The following CNTN4 variants were observed in gnomAD, a reference collection of about 807,000 sequenced individuals.
CNTN4 encodes the protein contactin-4.
In CNTN4, 77 loss-of-function variants were observed where a neutral mutation model predicts 122.5. That is an observed-to-expected ratio of 0.63 (90% confidence interval 0.52 to 0.76). CNTN4 has a LOEUF of 0.76. Ranked by LOEUF, CNTN4 falls within the 30% of genes least tolerant of loss-of-function variation. The probability of loss-of-function intolerance (pLI) is 0.00; values close to 1 mark genes in which losing one functional copy is unlikely to be tolerated. For missense variants in CNTN4, 1,256 were observed against 1,259.1 expected, an observed-to-expected ratio of 1.00 and a Z score of 0.04; for synonymous variants, 512 against 447.0, an observed-to-expected ratio of 1.15 and a Z score of -1.83.
chr3:2,564,980 T>C (rs1326265865), intron 3 of CNTN4, among the ~76,000 whole-genome samples: 1 of 152,120 alleles, frequency 6.6e-6, no homozygotes, highest in African/African-American at 2.4e-5. Flanking sequence ...GTACTCATAT[T>C]TATGGTTAGA....
chr3:2,150,534 C>G (rs921954955), intron 2 of CNTN4, among the ~76,000 whole-genome samples: 2 of 152,172 alleles, frequency 1.3e-5, no homozygotes, highest in Non-Finnish European at 2.9e-5. Flanking sequence ...GGTTATTTGT[C>G]TACAGATCCT....
intron 2 of CNTN4, among the ~76,000 whole-genome samples, chr3:2,192,131 G>C (rs1307374040): frequency 1.3e-5 from 2 of 151,906 alleles, no homozygotes; most frequent in Non-Finnish European, 2.9e-5. Context: ...GTCTATCATT[G>C]ATGGACATTT....
intron 2 of CNTN4, among the ~76,000 whole-genome samples, chr3:2,164,215 A>G (rs72622127): frequency 0.35 from 53,343 of 151,306 alleles, 9,872 homozygotes; most frequent in Admixed American, 0.45. Context: ...CAAAGAAGAA[A>G]GAGAGATTGC....
chr3:2,383,988 G>T (rs1036929171), intron 3 of CNTN4, among the ~76,000 whole-genome samples: 1 of 152,094 alleles, frequency 6.6e-6, no homozygotes, highest in Non-Finnish European at 1.5e-5. Context: ...ATGACTGACT[G>T]TAATAACTAT....
intron 3 of CNTN4, among the ~76,000 whole-genome samples, chr3:2,379,327 C>G (rs1369409408): frequency 1.3e-5 from 2 of 150,242 alleles, no homozygotes; most frequent in East Asian, 2.0e-4. Flanking sequence ...GATTAAAATT[C>G]TTCAAGAAGC....
chr3:2,437,243 G>A (rs1438219952), intron 3 of CNTN4, among the ~76,000 whole-genome samples: 1 of 152,072 alleles, frequency 6.6e-6, no homozygotes. Flanking sequence ...AGTCTGTTTA[G>A]TTGACACTTT....
At chr3:2,105,801 C>A (rs1310853172) in intron 2 of CNTN4, among the ~76,000 whole-genome samples, 3 of 152,204 alleles carry the variant, frequency 2.0e-5, no homozygotes, top group Non-Finnish European at 4.4e-5. Flanking sequence ...AATCTTAACC[C>A]ATTTTGGCAT....
chr3:2,846,312 A>T (rs911673482), intron 7 of CNTN4, among the ~76,000 whole-genome samples: 1 of 152,146 alleles, frequency 6.6e-6, no homozygotes, highest in Non-Finnish European at 1.5e-5. Flanking sequence ...GTGAATTCTC[A>T]TGAGATCTGA....
At chr3:2,633,059 A>G (rs1006039563) in intron 4 of CNTN4, among the ~76,000 whole-genome samples, 3 of 151,068 alleles carry the variant, frequency 2.0e-5, no homozygotes, top group Non-Finnish European at 3.0e-5. Context: ...GTTGTACACT[A>G]TCTGCCTTTC....
At chr3:2,354,635 G>A (rs947149501) in intron 3 of CNTN4, among the ~76,000 whole-genome samples, 9 of 152,204 alleles carry the variant, frequency 5.9e-5, no homozygotes, top group Non-Finnish European at 8.8e-5. Context: ...TATTTGCAGT[G>A]AAGTACTAAT....
intron 2 of CNTN4, among the ~76,000 whole-genome samples, chr3:2,226,887 A>T (rs1304202612): frequency 6.6e-6 from 1 of 152,100 alleles, no homozygotes; most frequent in African/African-American, 2.4e-5. Context: ...AATATTAACT[A>T]CTTTAATTTT....
At chr3:2,109,517 T>C (rs17007748) in intron 2 of CNTN4, among the ~76,000 whole-genome samples, 9,973 of 152,264 alleles carry the variant, frequency 0.065, 610 homozygotes, top group East Asian at 0.33. Flanking sequence ...ATCTTGAGTG[T>C]CCATGTTGCC....
At chr3:2,533,338 G>C (rs74691971) in intron 3 of CNTN4, among the ~76,000 whole-genome samples, 2,103 of 151,844 alleles carry the variant, frequency 0.014, 50 homozygotes, top group African/African-American at 0.048. Context: ...CCGTGTCCAA[G>C]TGTTCTCATT....
chr3:2,560,283 G>A (rs1379740695), intron 3 of CNTN4, among the ~76,000 whole-genome samples: 1 of 151,924 alleles, frequency 6.6e-6, no homozygotes, highest in Admixed American at 6.6e-5. Flanking sequence ...TGGGACTACA[G>A]GAGTGCACCA....
rs146325350 is a variant in CNTN4, at chr3:2,560,405, A to C, written c.-88-11011A>C. Among the ~76,000 whole-genome samples, 15 of 152,170 alleles carry C rather than the reference A, an allele frequency of 9.9e-5. No homozygotes were observed. In the East Asian group the frequency reaches 2.7e-3, roughly 27 times the overall value. ...AATCTGCCTGCCTTGGCTTCCCAAA[A>C]TTTGGGGATTACAAATGTGAGCCAC... On this transcript the variant is annotated intron_variant, in intron 3 of 24. Coordinates refer to ENST00000418658, the MANE Select transcript of CNTN4 (RefSeq NM_175607.3).
chr3:2,896,931 GTTTTTTT>G (rs58232281), intron 10 of CNTN4, among the ~76,000 whole-genome samples: 1 of 118,098 alleles, frequency 8.5e-6, no homozygotes, highest in Non-Finnish European at 1.8e-5. Flanking sequence ...AATTTAGAGG[GTTTTTTT>G]TTTTTTTTTT....
At chr3:2,916,779 G>A (rs932726883) in intron 12 of CNTN4, among the ~76,000 whole-genome samples, 21 of 149,824 alleles carry the variant, frequency 1.4e-4, no homozygotes, top group African/African-American at 4.0e-4. Flanking sequence ...AGGGGCGGCC[G>A]GGCAGAGGGG....
rs532550235 is a variant in CNTN4, at chr3:2,515,055, G to T, written c.-88-56361G>T. Among the ~76,000 whole-genome samples, 17 of 151,986 alleles carry T rather than the reference G, an allele frequency of 1.1e-4. No individual in the cohort carries two copies. The South Asian group carries it at 3.3e-3, about 30-fold the overall frequency. ...AGTTAATTGTCCTCAAGTCAAGTGT[G>T]ACTTTAGAAACGAGGTTCGGATTGT... On this transcript the variant is annotated intron_variant, in intron 3 of 24. Coordinates refer to ENST00000418658, the MANE Select transcript of CNTN4 (RefSeq NM_175607.3).
intron 4 of CNTN4, among the ~76,000 whole-genome samples, chr3:2,681,193 T>G (rs1302324061): frequency 6.6e-6 from 1 of 152,208 alleles, no homozygotes; most frequent in African/African-American, 2.4e-5. Context: ...AATATCTAAT[T>G]TAATAACAAT....
Sources: gnomAD v4.1 joint callset for allele counts (sites outside exome capture counted in the v4.1 genomes callset) on GRCh38, gnomAD v4.1.1 for gene constraint, MANE v1.5 for transcripts, NCBI Gene and HGNC (gene_info 2026-07-23, HGNC 2026-07-21) for gene names.